VAV1: variants seen among roughly 807,000 people sequenced by gnomAD.
The protein encoded by VAV1 is proto-oncogene vav.
VAV1 carries 33 observed loss-of-function variants against 128.1 expected under a neutral mutation model. The ratio of observed to expected loss-of-function variants is 0.26; its 90% CI spans 0.20 to 0.34. VAV1 has a LOEUF of 0.34. Among genes scored for constraint, VAV1 ranks in the 10% least tolerant of loss-of-function variants. VAV1 has a pLI of 1.00. For missense variants in VAV1, 715 were observed against 1,093.7 expected, an observed-to-expected ratio of 0.65 and a Z score of 4.88; for synonymous variants, 394 against 409.8, an observed-to-expected ratio of 0.96 and a Z score of 0.47.
rs533344647 is a variant in VAV1, at chr19:6,812,829, T to C, written c.205-7873T>C. 5.3e-5 allele frequency among the ~76,000 whole-genome samples: 8 copies of C among 152,028 alleles called. No homozygotes were observed. In the East Asian group the frequency reaches 1.5e-3, roughly 29 times the overall value. On this transcript the variant is annotated intron_variant, in intron 1 of 26. Coordinates refer to ENST00000602142, the MANE Select transcript of VAV1 (RefSeq NM_005428.4). ...GTAACGATGATGGTGATGGTGGTGATAATGATGATGATGATGATGATGATA... is the reference window on the plus strand; with the variant it reads ...GTAACGATGATGGTGATGGTGGTGACAATGATGATGATGATGATGATGATA...
At chr19:6,833,110 G>A in intron 15 of VAV1, 74 bp from the exon 16 acceptor site, 1 of 1,327,012 alleles carries the variant, frequency 7.5e-7, no homozygotes, top group Non-Finnish European at 1.0e-6. Flanking sequence ...TCATACCATG[G>A]AATAGTATTC....
intron 26 of VAV1, among the ~76,000 whole-genome samples, chr19:6,854,418 A>G (rs1222073631): frequency 6.6e-6 from 1 of 152,154 alleles, no homozygotes; most frequent in Non-Finnish European, 1.5e-5. Flanking sequence ...TGAGTGGTCA[A>G]GACTAACAAG....
At chr19:6,776,106 ATCCATCCATCC>A (rs1970617333) in intron 1 of VAV1, among the ~76,000 whole-genome samples, 1 of 147,090 alleles carries the variant, frequency 6.8e-6, no homozygotes, top group African/African-American at 2.7e-5. Context: ...CCATCCATCC[ATCCATCCATCC>A]ATCCATCTGC....
chr19:6,854,743 G>A (rs1258119132), intron 26 of VAV1, among the ~76,000 whole-genome samples: 1 of 152,050 alleles, frequency 6.6e-6, no homozygotes, highest in African/African-American at 2.4e-5. Flanking sequence ...AGAGATTGTG[G>A]TGGAGAATCA....
chr19:6,832,554 C>T (rs913584178), intron 15 of VAV1, among the ~76,000 whole-genome samples: 43 of 128,792 alleles, frequency 3.3e-4, no homozygotes, highest in Non-Finnish European at 6.4e-4. Flanking sequence ...CTTCTTCCTC[C>T]TCCTCTCCTT....
intron 1 of VAV1, among the ~76,000 whole-genome samples, chr19:6,773,557 G>A (rs534645531): frequency 2.0e-4 from 30 of 152,286 alleles, no homozygotes; most frequent in African/African-American, 6.5e-4. Flanking sequence ...GTGGGGGGCT[G>A]CAGCCCCAGG....
At position 6,828,117 on chromosome 19, in the gene VAV1, G is replaced by A. The variant is rs777856537; in HGVS notation, c.969G>A (p.Arg323=). Residue 323 remains arginine (R), a synonymous_variant, in exon 10 of 27, where the codon CGG becomes CGA. Transcript: ENST00000602142. This position sits in a 1 kb window ranked among gnomAD's most constrained non-coding sequence, Gnocchi z 4.5. ...CCAACAACGGGAGGTTCACCCTGCG[G>A]GACCTGCTGATGGTGCCTATGCAGC... ...QRANNGRFTL[R]DLLMVPMQRV... 1.9e-6 allele frequency: 3 copies of A among 1,614,060 alleles called. No individual in the cohort carries two copies. The highest frequency in any genetic ancestry group is 2.7e-5 in the African/African-American group (2 of 74,920).
rs1375109161 is a variant in VAV1 at position 6,841,462 on chromosome 19, A to T, written c.1981-1673A>T. Among the ~76,000 whole-genome samples, 3 of 145,300 alleles carry T rather than the reference A, an allele frequency of 2.1e-5. No homozygotes were observed. In the Admixed American group the frequency reaches 2.2e-4, roughly 11 times the overall value. The stretch of plus-strand genomic sequence containing the variant: ...GTTTTTAATGTTTTGAGGAACCACC[A>T]TACTATTTTTCTTTTCTTTTTTTTT... On this transcript the variant is annotated intron_variant, in intron 21 of 26. Transcript: ENST00000602142.
chr19:6,853,772 G>A (rs1288096097), intron 25 of VAV1, among the ~76,000 whole-genome samples, 175 bp from the exon 26 acceptor site: 2 of 152,010 alleles, frequency 1.3e-5, no homozygotes, highest in African/African-American at 4.8e-5. Flanking sequence ...CAGACGGGAG[G>A]ATGATGCTGG....
At chr19:6,774,864 C>T (rs1226542416) in intron 1 of VAV1, among the ~76,000 whole-genome samples, 1 of 151,930 alleles carries the variant, frequency 6.6e-6, no homozygotes, top group African/African-American at 2.4e-5. Flanking sequence ...AAGTGGTTCT[C>T]CTGTCCCAGC....
intron 1 of VAV1, among the ~76,000 whole-genome samples, chr19:6,794,948 G>A (rs541562295): frequency 1.4e-4 from 21 of 152,240 alleles, no homozygotes; most frequent in African/African-American, 4.6e-4. Context: ...ATGACTTGAG[G>A]CTATGCTCAG....
intron 1 of VAV1, chr19:6,784,293 G>T: frequency 2.0e-6 from 1 of 512,766 alleles, no homozygotes; most frequent in South Asian, 3.2e-5. Flanking sequence ...AATCTCAATG[G>T]GATGTAGAAT....
At chr19:6,804,609 G>A (rs1971346634) in intron 1 of VAV1, among the ~76,000 whole-genome samples, 1 of 151,412 alleles carries the variant, frequency 6.6e-6, no homozygotes, top group Non-Finnish European at 1.5e-5. Context: ...TAGAGATGAG[G>A]TTTCGCCATG....
At chr19:6,787,495 C>T (rs932218056) in intron 1 of VAV1, among the ~76,000 whole-genome samples, 1 of 152,114 alleles carries the variant, frequency 6.6e-6, no homozygotes, top group African/African-American at 2.4e-5. Context: ...CTTAACTCTG[C>T]TTTCTTGTGG....
intron 6 of VAV1, among the ~76,000 whole-genome samples, chr19:6,823,983 G>C (rs76348028): frequency 0.01 from 1,525 of 151,660 alleles, 15 homozygotes; most frequent in Admixed American, 0.016. Context: ...TCCCATCCAG[G>C]CTGGAGTGCA....
At chr19:6,778,982 T>C (rs11667864) in intron 1 of VAV1, among the ~76,000 whole-genome samples, 39,916 of 147,114 alleles carry the variant, frequency 0.27, 5,397 homozygotes, top group East Asian at 0.36. Context: ...ACTCAAGCAG[T>C]CCTCCTGCCT....
intron 14 of VAV1, among the ~76,000 whole-genome samples, 181 bp from the exon 15 acceptor site, chr19:6,831,910 G>C (rs1230814568): frequency 6.7e-6 from 1 of 149,970 alleles, no homozygotes; most frequent in Non-Finnish European, 1.5e-5. Flanking sequence ...GTGGTTTTGG[G>C]TTTATGGTTG....
In VAV1 at chr19:6,820,849, A is replaced by G. The variant is rs1335110656; in HGVS notation, c.321+31A>G. 1 of 1,595,414 alleles carries G rather than the reference A, an allele frequency of 6.3e-7. No individual in the cohort carries two copies. Among genetic ancestry groups the G allele is most frequent in the Non-Finnish European group, 8.6e-7 (1 of 1,163,086 alleles). On this transcript the variant is annotated intron_variant, in intron 2 of 26. Coordinates refer to ENST00000602142, the MANE Select transcript of VAV1 (RefSeq NM_005428.4). The surrounding 1 kb of genome is among the most constrained non-coding windows in gnomAD (Gnocchi z 4.4). Reference sequence around the variant, plus strand: ...CTGCACACTTGAAGCCCAAAGACTGAGTTTCAGTTAATTTCTATTGACGTC... The same window carrying G: ...CTGCACACTTGAAGCCCAAAGACTGGGTTTCAGTTAATTTCTATTGACGTC...
intron 1 of VAV1, among the ~76,000 whole-genome samples, chr19:6,779,301 C>T (rs2144691090): frequency 6.6e-6 from 1 of 150,520 alleles, no homozygotes; most frequent in African/African-American, 2.4e-5. Flanking sequence ...ATTCCTCCCG[C>T]CTTGGCTTTC....
Sources: gnomAD v4.1 joint callset for allele counts (sites outside exome capture counted in the v4.1 genomes callset) on GRCh38, gnomAD v4.1.1 for gene constraint, Gnocchi (gnomAD v3.1) non-coding constraint, MANE v1.5 for transcripts, NCBI Gene and HGNC (gene_info 2026-07-23, HGNC 2026-07-21) for gene names.